PCDH18: variants seen among roughly 807,000 people sequenced by gnomAD.
The protein encoded by PCDH18 is protocadherin 18, also known as protocadherin-18.
A neutral mutation model predicts 71.5 loss-of-function variants in PCDH18; 38 were observed. The ratio of observed to expected loss-of-function variants is 0.53; its 90% CI spans 0.41 to 0.70. The LOEUF is 0.70. Among genes scored for constraint, PCDH18 ranks in the 30% least tolerant of loss-of-function variants. The pLI is 0.00. For missense variants in PCDH18, 1,334 were observed against 1,384.6 expected, an observed-to-expected ratio of 0.96 and a Z score of 0.58; for synonymous variants, 565 against 505.4, an observed-to-expected ratio of 1.12 and a Z score of -1.58.
rs754666094 is a variant in PCDH18 at position 137,532,037 on chromosome 4, T to A, written c.52A>T (p.Ile18Leu). The change falls in exon 1 of 4, where the codon ATA becomes TTA. Residue 18 changes from isoleucine to leucine, a missense_variant. Ile to Leu is a conservative substitution (Grantham distance 5). Around this residue, in one of 3 missense-constraint regions of PCDH18, gnomAD observed 1,011 missense variants for 1,048.0 expected, o/e 0.96. Transcript: ENST00000344876. ...MHFRFVFALL[I>L]VSFNHDVLGK... ...AGTACATCGTGGTTGAAAGATACTA[T>A]CAGAAGTGCAAAAACAAACCTAAAG... 1.9e-6 allele frequency: 3 copies of A among 1,613,120 alleles called. No homozygotes were observed. The highest frequency in any genetic ancestry group is 4.5e-5 in the East Asian group (2 of 44,850).
chr4:137,522,250 T>G (rs182727070), intron 3 of PCDH18, among the ~76,000 whole-genome samples: 5 of 151,822 alleles, frequency 3.3e-5, no homozygotes, highest in Admixed American at 3.3e-4. Context: ...GTGAAAAGTA[T>G]CCTCAGCTAC....
chr4:137,532,094 A>G lies in PCDH18; in HGVS notation c.-6T>C. 6.2e-7 allele frequency: 1 copy of G among 1,601,546 alleles called. No homozygotes were observed. Among genetic ancestry groups the G allele is most frequent in the Non-Finnish European group, 8.5e-7 (1 of 1,171,194 alleles). Reference sequence around the variant, plus strand: ...TTAGCATTCATTTGGTGCATTGGTCAGTTTATGAGATTTCCCTCACAGAGC... The same window carrying G: ...TTAGCATTCATTTGGTGCATTGGTCGGTTTATGAGATTTCCCTCACAGAGC... On this transcript the variant is annotated 5_prime_UTR_variant, in exon 1 of 4. Transcript: ENST00000344876.
chr4:137,531,849 G>C lies in PCDH18; in HGVS notation c.240C>G (p.Asn80Lys). 2 of 1,613,948 alleles carry C rather than the reference G, an allele frequency of 1.2e-6. No homozygotes were observed. Among genetic ancestry groups the C allele is most frequent in the South Asian group, 2.2e-5 (2 of 91,060 alleles). Residue 80 changes from asparagine to lysine, a missense_variant, in exon 1 of 4, where the codon AAC becomes AAG. Coordinates refer to ENST00000344876, the MANE Select transcript of PCDH18 (RefSeq NM_019035.5). ...QRGNSPLLVV[N>K]EDNGEISIGA... ...CTATGCTGATTTCCCCATTATCCTC[G>C]TTTACTACAAGTAGAGGAGAATTTC...
In PCDH18 at chr4:137,531,435, G is replaced by A. The variant is rs1248264887; in HGVS notation, c.654C>T (p.Ala218=). The change falls in exon 1 of 4, where the codon GCC becomes GCT. Residue 218 remains alanine (A), a synonymous_variant. Coordinates refer to ENST00000344876, the MANE Select transcript of PCDH18 (RefSeq NM_019035.5). ...LKSSYELQLT[A]SDMGVPQRSG... ...ACCTCTGAGGTACTCCCATGTCTGA[G>A]GCAGTGAGCTGAAGCTCGTAGCTTG... 5 of 1,613,340 alleles carry A rather than the reference G, an allele frequency of 3.1e-6. No homozygotes were observed. The highest frequency in any genetic ancestry group is 1.1e-5 in the South Asian group (1 of 90,970).
rs1336737338 is a variant in PCDH18, at chr4:137,531,068, T to A, written c.1021A>T (p.Ile341Leu). 3 of 1,612,090 alleles carry A rather than the reference T, an allele frequency of 1.9e-6. No individual in the cohort carries two copies. Among genetic ancestry groups the A allele is most frequent in the Non-Finnish European group, 2.5e-6 (3 of 1,178,988 alleles). Reference protein sequence around the residue: ...PNSIPAHCKIIIKVVDVNDNK... With the variant: ...PNSIPAHCKILIKVVDVNDNK... The stretch of plus-strand genomic sequence containing the variant: ...TCATTAACATCCACAACCTTAATTA[T>A]AATTTTGCAATGGGCTGGGATTGAA... The change falls in exon 1 of 4, where the codon ATA becomes TTA. Residue 341 changes from isoleucine (I) to leucine (L), a missense_variant. By Grantham distance (5) the Ile-to-Leu change is conservative. Around this residue, in one of 3 missense-constraint regions of PCDH18, gnomAD observed 1,011 missense variants for 1,048.0 expected, o/e 0.96. Coordinates refer to ENST00000344876, the MANE Select transcript of PCDH18 (RefSeq NM_019035.5).
rs1331539870 is a variant in PCDH18, at chr4:137,529,865, T to A, written c.2224A>T (p.Thr742Ser). 6.2e-7 allele frequency: 1 copy of A among 1,613,624 alleles called. No individual in the cohort carries two copies. The highest frequency in any genetic ancestry group is 8.5e-7 in the Non-Finnish European group (1 of 1,179,748). ...RSYNCRVAES[T>S]YQHHPKRPSR... ...GGCCTTTTTGGGTGGTGCTGGTAAG[T>A]TGATTCGGCCACCCTGCAGTTATAG... The change falls in exon 1 of 4, where the codon ACT (threonine) becomes TCT (serine). Residue 742 changes from threonine to serine, a missense_variant. By Grantham distance (58) the Thr-to-Ser change is moderately conservative. Transcript: ENST00000344876.
rs368948122 is a variant in PCDH18 at position 137,530,791 on chromosome 4, A to C, written c.1298T>G (p.Leu433Trp). 8.4e-5 allele frequency: 136 copies of C among 1,612,082 alleles called. No individual in the cohort carries two copies. Among genetic ancestry groups the C allele is most frequent in the Non-Finnish European group, 1.1e-4 (132 of 1,178,370 alleles). Residue 433 changes from leucine (L) to tryptophan (W), a missense_variant, in exon 1 of 4, where the codon TTG (leucine) becomes TGG (tryptophan). By Grantham distance (61) the Leu-to-Trp change is moderately conservative. Coordinates refer to ENST00000344876, the MANE Select transcript of PCDH18 (RefSeq NM_019035.5). The stretch of plus-strand genomic sequence containing the variant: ...CCCCCTGTCCTCAGCGATTACAGTC[A>C]AACTATACTCAGATCTCTTTTCTCT... The part of the protein sequence containing the change: ...LDREKRSEYS[L>W]TVIAEDRGTP...
chr4:137,521,844 C>G, intron 3 of PCDH18, 148 bp from the exon 4 acceptor site: 1 of 629,588 alleles, frequency 1.6e-6, no homozygotes, highest in Non-Finnish European at 2.7e-6. Context: ...AAAAGCTGGA[C>G]TACAATTATG....
rs747138031 is a variant in PCDH18, at chr4:137,521,208, A to G, written c.3229T>C (p.Ser1077Pro). The G allele has an allele frequency of 3.1e-6, 5 of 1,613,892 alleles. No homozygotes were observed. In the African/African-American group the frequency reaches 6.7e-5, roughly 22 times the overall value. ...CATTTTGAAGAAGGCTGCACACTGG[A>G]GTGAGTTCCAAGTGGCGGCCCACAG... ...TNCGPPLGTH[S>P]SVQPSSKWLP... Residue 1077 changes from serine to proline, a missense_variant, in exon 4 of 4, where the codon TCC becomes CCC. Around this residue, in one of 3 missense-constraint regions of PCDH18, gnomAD observed 319 missense variants for 316.3 expected, o/e 1.01. Coordinates refer to ENST00000344876, the MANE Select transcript of PCDH18 (RefSeq NM_019035.5).
At chr4:137,522,388 A>G (rs1197188356) in intron 3 of PCDH18, among the ~76,000 whole-genome samples, 1 of 152,174 alleles carries the variant, frequency 6.6e-6, no homozygotes, top group East Asian at 1.9e-4. Flanking sequence ...CTTAGGTCTT[A>G]CAGATGTTCT....
At chr4:137,526,633 G>A (rs1255149779) in intron 3 of PCDH18, among the ~76,000 whole-genome samples, 4 of 151,966 alleles carry the variant, frequency 2.6e-5, no homozygotes, top group African/African-American at 7.3e-5. Flanking sequence ...AGGCTCTCAG[G>A]TACACGGCAT....
chr4:137,522,049 A>G (rs1417061038), intron 3 of PCDH18, among the ~76,000 whole-genome samples: 3 of 152,222 alleles, frequency 2.0e-5, no homozygotes, highest in Non-Finnish European at 4.4e-5. Context: ...ACAGACTTGT[A>G]AGGTGAAACC....
Position 137,521,571 on chromosome 4 carries a change from T to C in PCDH18, c.2866A>G (p.Thr956Ala), listed in dbSNP as rs867545344. 32 of 1,613,966 alleles carry C rather than the reference T, an allele frequency of 2.0e-5. 1 individual carries two copies. In the African/African-American group the frequency reaches 2.8e-4, roughly 14 times the overall value. ...NMFIPGEEFPTQPQQQHPHQS... is the reference protein window; with the variant it reads ...NMFIPGEEFPAQPQQQHPHQS... ...TGTGGATGCTGCTGCTGGGGTTGCG[T>C]TGGGAATTCTTCCCCTGGAATGAAC... Residue 956 changes from threonine (T) to alanine (A), a missense_variant, in exon 4 of 4, where the codon ACG (threonine) becomes GCG (alanine). This residue lies in a region of PCDH18 where 319 missense variants were observed against 316.3 expected (regional missense o/e 1.01). Transcript: ENST00000344876.
At position 137,529,772 on chromosome 4, in the gene PCDH18, A is replaced by T; in HGVS notation, c.2317T>A (p.Ser773Thr). The part of the protein sequence containing the change: ...PTINGTLPIR[S>T]HHRSSPSSSP... ...GAAGATGGAGACGATCTGTGATGAGATCTGATGGGCAGAGTGCCATTTATG... is the reference window on the plus strand; with the variant it reads ...GAAGATGGAGACGATCTGTGATGAGTTCTGATGGGCAGAGTGCCATTTATG... The change falls in exon 1 of 4, where the codon TCT (serine) becomes ACT (threonine). Residue 773 changes from serine (S) to threonine (T), a missense_variant. Transcript: ENST00000344876. 6.2e-7 allele frequency: 1 copy of T among 1,613,758 alleles called. No individual in the cohort carries two copies.
rs151274635 is a variant in PCDH18, at chr4:137,529,738, G to A, written c.2351C>T (p.Thr784Ile). 5.3e-5 allele frequency: 85 copies of A among 1,613,986 alleles called. No homozygotes were observed. In the African/African-American group the frequency reaches 1.0e-3, roughly 20 times the overall value. Residue 784 changes from threonine to isoleucine, a missense_variant, in exon 1 of 4, where the codon ACC becomes ATC. Physicochemically the swap from Thr to Ile is moderately conservative, Grantham distance 89. This residue lies in a region of PCDH18 where 1,011 missense variants were observed against 1,048.0 expected (regional missense o/e 0.96). Transcript: ENST00000344876. ...GCTGCCCATCTGCCCTCTTTCTAAG[G>A]TAGGAGATGAAGATGGAGACGATCT... ...HHRSSPSSSPTLERGQMGSRQ... is the reference protein window; with the variant it reads ...HHRSSPSSSPILERGQMGSRQ...
intron 3 of PCDH18, among the ~76,000 whole-genome samples, chr4:137,525,190 T>C (rs1023448307): frequency 2.6e-5 from 4 of 152,116 alleles, no homozygotes; most frequent in South Asian, 4.1e-4. Context: ...AGTAAGAAAG[T>C]ATGTTGGCAA....
intron 3 of PCDH18, 43 bp downstream of exon 3, chr4:137,528,435 C>T (rs371758590): frequency 3.1e-5 from 48 of 1,557,478 alleles, no homozygotes; most frequent in Middle Eastern, 1.7e-4. Flanking sequence ...ACTGGTGTCA[C>T]GGTAGACCTG....
intron 3 of PCDH18, among the ~76,000 whole-genome samples, chr4:137,522,927 A>C (rs145918648): frequency 6.6e-6 from 1 of 151,942 alleles, no homozygotes; most frequent in Non-Finnish European, 1.5e-5. Flanking sequence ...TGACTTTCTG[A>C]AAAAAAAGAA....
rs201328301 is a variant in PCDH18 at position 137,531,924 on chromosome 4, T to C, written c.165A>G (p.Leu55=). ...ARLSEDVADV[L]LKLPNPSTVR... The stretch of plus-strand genomic sequence containing the variant: ...CAGTAGAAGGATTAGGAAGCTTCAA[T>C]AAAACATCAGCCACATCCTCTGATA... Residue 55 remains leucine, a synonymous_variant, in exon 1 of 4, where the codon TTA becomes TTG. Coordinates refer to ENST00000344876, the MANE Select transcript of PCDH18 (RefSeq NM_019035.5). 3 of 1,614,136 alleles carry C rather than the reference T, an allele frequency of 1.9e-6. No homozygotes were observed. Among genetic ancestry groups the C allele is most frequent in the Admixed American group, 3.3e-5 (2 of 60,018 alleles).
Sources: gnomAD v4.1 joint callset for allele counts (sites outside exome capture counted in the v4.1 genomes callset) on GRCh38, gnomAD v4.1.1 for gene constraint, gnomAD v4.1.1 regional missense constraint, MANE v1.5 for transcripts, NCBI Gene and HGNC (gene_info 2026-07-23, HGNC 2026-07-21) for gene names.